Variants in PDZRN4 observed in about 807,000 individuals in gnomAD.
The protein encoded by PDZRN4 is PDZ domain-containing RING finger protein 4.
A neutral mutation model predicts 99.0 loss-of-function variants in PDZRN4; 70 were observed. The observed-to-expected ratio is 0.71, with a 90% confidence interval of 0.58 to 0.86. PDZRN4 has a LOEUF of 0.86. PDZRN4 is among the 40% of genes least tolerant of loss of function. PDZRN4 has a pLI of 0.00. For missense variants in PDZRN4, 1,474 were observed against 1,331.2 expected (o/e 1.11, Z -1.67); for synonymous variants, 551 against 501.6 (o/e 1.10, Z -1.32).
chr12:41,561,838 G>A lies in PDZRN4; in HGVS notation c.1366-1710G>A, dbSNP rs551403557. Among the ~76,000 whole-genome samples the A allele has an allele frequency of 2.0e-4, 30 of 151,982 alleles. No individual in the cohort carries two copies. The South Asian group carries it at 6.2e-3, about 32-fold the overall frequency. On this transcript the variant is annotated intron_variant, in intron 7 of 9. Transcript: ENST00000402685. ...AAGAATTACCATGAAACAGACATAA[G>A]CCCTCAAAGTGCAAATAGAGTAAAT...
chr12:41,436,025 T>C (rs1471185654), intron 3 of PDZRN4, among the ~76,000 whole-genome samples: 4 of 152,214 alleles, frequency 2.6e-5, no homozygotes, highest in Non-Finnish European at 5.9e-5. Flanking sequence ...AGGAGATTGC[T>C]TATGTTTGTG....
intron 3 of PDZRN4, among the ~76,000 whole-genome samples, chr12:41,400,244 T>C (rs1565572441): frequency 6.6e-6 from 1 of 152,146 alleles, no homozygotes; most frequent in Non-Finnish European, 1.5e-5. Flanking sequence ...ACGGATGAAT[T>C]TTGTAATAGA....
chr12:41,258,416 CT>C (rs1258652163), intron 3 of PDZRN4, among the ~76,000 whole-genome samples: 2 of 151,970 alleles, frequency 1.3e-5, no homozygotes, highest in African/African-American at 4.8e-5. Context: ...AAATAAAATG[CT>C]TTATTTTACA....
At chr12:41,344,277 C>A (rs1451237817) in intron 3 of PDZRN4, among the ~76,000 whole-genome samples, 1 of 152,002 alleles carries the variant, frequency 6.6e-6, no homozygotes, top group Non-Finnish European at 1.5e-5. Context: ...TTCCTCTCAG[C>A]GCCTTTACCA....
intron 3 of PDZRN4, among the ~76,000 whole-genome samples, chr12:41,501,834 G>A (rs17129419): frequency 0.016 from 2,428 of 152,170 alleles, 25 homozygotes; most frequent in African/African-American, 0.022. Flanking sequence ...GGGATGAGGC[G>A]AAGACCTTCT....
intron 3 of PDZRN4, among the ~76,000 whole-genome samples, chr12:41,201,618 G>A (rs1303039043): frequency 6.6e-6 from 1 of 152,014 alleles, no homozygotes; most frequent in East Asian, 1.9e-4. Context: ...TCAAGGTCAA[G>A]GTTTTAGGCA....
chr12:41,440,459 G>A (rs1952669177), intron 3 of PDZRN4, among the ~76,000 whole-genome samples: 1 of 152,032 alleles, frequency 6.6e-6, no homozygotes, highest in Non-Finnish European at 1.5e-5. Flanking sequence ...TGCAGTTTCT[G>A]GTTTATAACT....
intron 3 of PDZRN4, among the ~76,000 whole-genome samples, chr12:41,247,113 A>C (rs1951138294): frequency 6.6e-6 from 1 of 152,174 alleles, no homozygotes; most frequent in African/African-American, 2.4e-5. Context: ...TCCCAGGGTC[A>C]AATAATTTAA....
At chr12:41,198,471 AT>A (rs964109586) in intron 3 of PDZRN4, among the ~76,000 whole-genome samples, 1 of 151,516 alleles carries the variant, frequency 6.6e-6, no homozygotes, top group African/African-American at 2.4e-5. Flanking sequence ...AAAGCAGAGG[AT>A]TTTTTTTAGT....
chr12:41,443,854 A>T (rs948900906), intron 3 of PDZRN4, among the ~76,000 whole-genome samples: 1 of 152,148 alleles, frequency 6.6e-6, no homozygotes, highest in African/African-American at 2.4e-5. Context: ...ATGTCCAGGG[A>T]CGGTGGAATA....
chr12:41,253,080 G>A (rs545950427), intron 3 of PDZRN4, among the ~76,000 whole-genome samples: 1 of 152,242 alleles, frequency 6.6e-6, no homozygotes, highest in African/African-American at 2.4e-5. Flanking sequence ...TGTCGGTATT[G>A]AATTGAGATA....
chr12:41,259,624 A>G (rs1018664973), intron 3 of PDZRN4, among the ~76,000 whole-genome samples: 4 of 152,162 alleles, frequency 2.6e-5, no homozygotes, highest in Non-Finnish European at 5.9e-5. Flanking sequence ...CTGTGGACAA[A>G]GACTTCAAGA....
chr12:41,442,234 T>C (rs2120471517), intron 3 of PDZRN4, among the ~76,000 whole-genome samples: 1 of 152,256 alleles, frequency 6.6e-6, no homozygotes, highest in South Asian at 2.1e-4. Flanking sequence ...ATTTGGACCC[T>C]TGTAACTTAC....
Position 41,502,720 on chromosome 12 carries a change from A to G in PDZRN4, c.844-3736A>G, listed in dbSNP as rs1470471712. Among the ~76,000 whole-genome samples the G allele has an allele frequency of 2.0e-5, 3 of 152,216 alleles. No individual in the cohort carries two copies. In the East Asian group the frequency reaches 5.8e-4, roughly 29 times the overall value. ...ATCTCACAAAACAATTAAAAACTAT[A>G]TGTCATCCGTACAAGACTAAATTTA... On this transcript the variant is annotated intron_variant, in intron 3 of 9. Transcript: ENST00000402685.
intron 5 of PDZRN4, among the ~76,000 whole-genome samples, chr12:41,517,623 C>T (rs188830845): frequency 9.1e-4 from 139 of 152,160 alleles, no homozygotes; most frequent in Admixed American, 8.0e-3. Flanking sequence ...TTGAATGAAT[C>T]ATATTCCACC....
At chr12:41,427,190 G>C (rs1185166264) in intron 3 of PDZRN4, among the ~76,000 whole-genome samples, 1 of 152,128 alleles carries the variant, frequency 6.6e-6, no homozygotes, top group African/African-American at 2.4e-5. Context: ...ACTGCTCCTG[G>C]AGAAAAATTG....
At chr12:41,485,473 A>C (rs1937757368) in intron 3 of PDZRN4, among the ~76,000 whole-genome samples, 1 of 152,122 alleles carries the variant, frequency 6.6e-6, no homozygotes. Context: ...CATATCTGAG[A>C]CCACTATTAA....
rs373299390 is a variant in PDZRN4, at chr12:41,345,283, A to G, written c.843+151095A>G. 6.3e-4 allele frequency among the ~76,000 whole-genome samples: 96 copies of G among 152,282 alleles called. 1 individual carries two copies. The highest frequency in any genetic ancestry group is 2.3e-3 in the African/African-American group (95 of 41,566). ...ACGGCACAGACGCGTTCCTTTTGTT[A>G]CTGAATATTAGACAAATTAGTTCTT... On this transcript the variant is annotated intron_variant, in intron 3 of 9. Coordinates refer to ENST00000402685, the MANE Select transcript of PDZRN4 (RefSeq NM_001164595.2).
chr12:41,554,373 G>A (rs1038808885), intron 6 of PDZRN4, among the ~76,000 whole-genome samples: 2 of 152,056 alleles, frequency 1.3e-5, no homozygotes, highest in Admixed American at 6.5e-5. Flanking sequence ...TTCAGGGAAG[G>A]GAAAGAAGCC....
Sources: allele counts gnomAD v4.1 joint callset (sites outside exome capture counted in the v4.1 genomes callset), GRCh38; gene constraint gnomAD v4.1.1; transcripts MANE v1.5; gene names NCBI Gene and HGNC (gene_info 2026-07-23, HGNC 2026-07-21).